The following ASS1 variants were observed in gnomAD, a reference collection of about 807,000 sequenced individuals.
ASS1 encodes argininosuccinate synthase 1.
Under a neutral mutation model 60.5 loss-of-function variants are expected in ASS1, and 58 were observed. The ratio of observed to expected loss-of-function variants is 0.96; its 90% CI spans 0.78 to 1.19. ASS1 has a LOEUF of 1.19. Ranked by LOEUF, ASS1 falls within the 50% of genes most tolerant of loss-of-function variation. The pLI is 0.00. For missense variants in ASS1, 454 were observed against 547.3 expected, an observed-to-expected ratio of 0.83 and a Z score of 1.70; for synonymous variants, 200 against 206.9, an observed-to-expected ratio of 0.97 and a Z score of 0.29.
intron 8 of ASS1, among the ~76,000 whole-genome samples, chr9:130,471,849 G>A (rs1371101286): frequency 6.6e-6 from 1 of 152,182 alleles, no homozygotes; most frequent in East Asian, 1.9e-4. Context: ...TTGGGGGAGG[G>A]CCCAGCCTGT....
intron 11 of ASS1, among the ~76,000 whole-genome samples, chr9:130,480,725 A>G (rs1846150713): frequency 6.6e-6 from 1 of 152,028 alleles, no homozygotes; most frequent in South Asian, 2.1e-4. Flanking sequence ...CAGGGAGGCC[A>G]GGGCCAGGCC....
At chr9:130,498,470 G>A (rs1203880428) in intron 13 of ASS1, among the ~76,000 whole-genome samples, 7 of 152,178 alleles carry the variant, frequency 4.6e-5, no homozygotes, top group Non-Finnish European at 8.8e-5. Flanking sequence ...TGATTGCTTC[G>A]GTCTGGCCCC....
rs1215138771 is a variant in ASS1, at chr9:130,473,497, AGTCCC to A, written c.597+1983_597+1987del. On this transcript the variant is annotated intron_variant, in intron 8 of 14. Coordinates refer to ENST00000352480, the MANE Select transcript of ASS1 (RefSeq NM_054012.4). ...CCCAGAGTCCCACCCAGGCACCCAG[AGTCCC>A]ACCCAGGCACCCAGAGTCCAGTCAC... is the stretch of plus-strand genomic sequence containing the variant. 2.1e-3 allele frequency among the ~76,000 whole-genome samples: 325 copies of A among 151,812 alleles called. 2 individuals are homozygous for A. Among genetic ancestry groups the A allele is most frequent in the African/African-American group, 7.5e-3 (309 of 41,474 alleles).
At position 130,452,277 on chromosome 9, in the gene ASS1, A is replaced by G. The variant is rs1845345661; in HGVS notation, c.49A>G (p.Thr17Ala). ...VVLAYSGGLD[T>A]SCILVWLKEQ... is the part of the protein sequence containing the mutation. Reference sequence around the variant, plus strand: ...TCTGGCCTACAGTGGCGGCCTGGACACCTCGTGCATCCTCGTGTGGCTGAA... The same window carrying G: ...TCTGGCCTACAGTGGCGGCCTGGACGCCTCGTGCATCCTCGTGTGGCTGAA... The change falls in exon 2 of 15, where the codon ACC (threonine) becomes GCC (alanine). Residue 17 changes from threonine to alanine, a missense_variant. Thr to Ala is a moderately conservative substitution (Grantham distance 58). Coordinates refer to ENST00000352480, the MANE Select transcript of ASS1 (RefSeq NM_054012.4). 1 of 1,613,970 alleles carries G rather than the reference A, an allele frequency of 6.2e-7. No individual in the cohort carries two copies. Among genetic ancestry groups the G allele is most frequent in the Admixed American group, 1.7e-5 (1 of 60,000 alleles).
Position 130,477,091 on chromosome 9 carries a change from G to C in ASS1, c.688+130G>C. On this transcript the variant is annotated intron_variant, in intron 9 of 14. Coordinates refer to ENST00000352480, the MANE Select transcript of ASS1 (RefSeq NM_054012.4). This position sits in a 1 kb window ranked among gnomAD's most constrained non-coding sequence, Gnocchi z 4.2. ...TTCCTGGAAGCTAGAGTTCAGGCAG[G>C]GGCTTCAAGGTAACGCACAGCCCAC... The C allele has an allele frequency of 1.0e-6, 1 of 976,848 alleles. No individual in the cohort carries two copies. The highest frequency in any genetic ancestry group is 2.0e-5 in the Admixed American group (1 of 49,126). 60.5% of individuals were successfully genotyped at this position (976,848 alleles called of 1,614,324 possible). A position where few individuals can be genotyped will look rare whatever the true frequency, so the allele number is the denominator to read the frequency against.
chr9:130,480,522 C>G lies in ASS1; in HGVS notation c.838+73C>G. ...CCCAGAGATCCCTGAGACCCTGTCC[C>G]CTTTGGACGCTACTACCCCCATGCT... On this transcript the variant is annotated intron_variant, in intron 11 of 14. Coordinates refer to ENST00000352480, the MANE Select transcript of ASS1 (RefSeq NM_054012.4). 7.9e-6 allele frequency: 12 copies of G among 1,513,632 alleles called. No homozygotes were observed. The South Asian group carries it at 1.4e-4, about 17-fold the overall frequency. The allele number at this position is 1,513,632 out of a possible 1,614,324, so 93.8% of individuals were successfully genotyped here.
intron 4 of ASS1, among the ~76,000 whole-genome samples, chr9:130,461,999 G>A (rs1364904582): frequency 2.6e-5 from 4 of 152,098 alleles, no homozygotes; most frequent in South Asian, 2.1e-4. Flanking sequence ...AGGCAGAGGC[G>A]GAGGCAGCCT....
At position 130,494,984 on chromosome 9, in the gene ASS1, G is replaced by C; in HGVS notation, c.1088G>C (p.Arg363Pro). 6.2e-7 allele frequency: 1 copy of C among 1,613,158 alleles called. No homozygotes were observed. The highest frequency in any genetic ancestry group is 8.5e-7 in the Non-Finnish European group (1 of 1,179,890). ...AAGGGCCAGGTGTACATCCTCGGCC[G>C]GGAGTCCCCACTGTCTCTCTACAAT... ...VLKGQVYILG[R>P]ESPLSLYNEE... The change falls in exon 13 of 15, where the codon CGG becomes CCG. Residue 363 changes from arginine (R) to proline (P), a missense_variant. Coordinates refer to ENST00000352480, the MANE Select transcript of ASS1 (RefSeq NM_054012.4). This position sits in a 1 kb window ranked among gnomAD's most constrained non-coding sequence, Gnocchi z 4.3.
rs1846406949 is a variant in ASS1, at chr9:130,489,851, G to A, written c.970+387G>A. On this transcript the variant is annotated intron_variant, in intron 12 of 14. Coordinates refer to ENST00000352480, the MANE Select transcript of ASS1 (RefSeq NM_054012.4). The surrounding 1 kb of genome is among the most constrained non-coding windows in gnomAD (Gnocchi z 4.1). ...AGGAGGTCTGCAGCTCCTTGTACAC[G>A]AGGAAACTGAGGCTCAGAAGGAAAG... 6.6e-6 allele frequency among the ~76,000 whole-genome samples: 1 copy of A among 152,370 alleles called. No individual in the cohort carries two copies. Among genetic ancestry groups the A allele is most frequent in the South Asian group, 2.1e-4 (1 of 4,830 alleles).
Position 130,477,976 on chromosome 9 carries a change from TCTC to T in ASS1, c.688+1017_688+1019del, listed in dbSNP as rs1846066335. 6.6e-6 allele frequency among the ~76,000 whole-genome samples: 1 copy of T among 152,056 alleles called. No homozygotes were observed. Among genetic ancestry groups the T allele is most frequent in the Non-Finnish European group, 1.5e-5 (1 of 67,986 alleles). ...GGGGAGGCAGAGCTGCAGATCCCCC[TCTC>T]CCCCTTGCTGGTGTGACCTTGACAG... On this transcript the variant is annotated intron_variant, in intron 9 of 14. Coordinates refer to ENST00000352480, the MANE Select transcript of ASS1 (RefSeq NM_054012.4). This position sits in a 1 kb window ranked among gnomAD's most constrained non-coding sequence, Gnocchi z 4.2.
At position 130,470,461 on chromosome 9, in the gene ASS1, G is replaced by C. The variant is rs899830246; in HGVS notation, c.496-373G>C. 2.0e-5 allele frequency among the ~76,000 whole-genome samples: 3 copies of C among 152,206 alleles called. No individual in the cohort carries two copies. Among genetic ancestry groups the C allele is most frequent in the Non-Finnish European group, 2.9e-5 (2 of 68,042 alleles). On this transcript the variant is annotated intron_variant, in intron 6 of 14. Coordinates refer to ENST00000352480, the MANE Select transcript of ASS1 (RefSeq NM_054012.4). This position sits in a 1 kb window ranked among gnomAD's most constrained non-coding sequence, Gnocchi z 4.3. ...TGCCAGGTGCCCCGGTCCACAGTGC[G>C]AGCGGGTTCACACAAGCCCCAGCTC...
At chr9:130,462,338 G>A (rs1411514987) in intron 4 of ASS1, among the ~76,000 whole-genome samples, 3 of 152,206 alleles carry the variant, frequency 2.0e-5, no homozygotes, top group Admixed American at 2.0e-4. Context: ...TCAGCATGCG[G>A]ACACTCGTGT....
chr9:130,466,187 C>T (rs1462410407), intron 5 of ASS1, among the ~76,000 whole-genome samples: 2 of 152,226 alleles, frequency 1.3e-5, no homozygotes, highest in Admixed American at 6.5e-5. Flanking sequence ...CTCTTTTTAC[C>T]AGCTCAGGCC....
At chr9:130,486,265 T>A (rs933136906) in intron 11 of ASS1, among the ~76,000 whole-genome samples, 16 of 152,164 alleles carry the variant, frequency 1.1e-4, no homozygotes, top group Non-Finnish European at 1.8e-4. Flanking sequence ...CTAATTTTTT[T>A]AATTTTTTGG....
At chr9:130,456,641 C>T (rs1015210710) in intron 3 of ASS1, among the ~76,000 whole-genome samples, 1 of 151,954 alleles carries the variant, frequency 6.6e-6, no homozygotes, top group Admixed American at 6.6e-5. Flanking sequence ...AAGAATTTCT[C>T]GACTCTTAAA....
chr9:130,461,813 T>A (rs1022725614), intron 4 of ASS1, among the ~76,000 whole-genome samples: 2 of 152,094 alleles, frequency 1.3e-5, no homozygotes, highest in Non-Finnish European at 2.9e-5. Flanking sequence ...CACCATCCCA[T>A]GAGTATCCAC....
At chr9:130,461,664 C>A (rs1450225533) in intron 4 of ASS1, among the ~76,000 whole-genome samples, 1 of 152,208 alleles carries the variant, frequency 6.6e-6, no homozygotes. Flanking sequence ...CAGGAAACCC[C>A]CAACAGCCTC....
rs12003032 is a variant in ASS1, at chr9:130,500,360, T to C, written c.1194-616T>C. 4.2e-3 allele frequency among the ~76,000 whole-genome samples: 645 copies of C among 152,246 alleles called. 3 individuals carry two copies. Among genetic ancestry groups the C allele is most frequent in the African/African-American group, 0.015 (631 of 41,536 alleles). On this transcript the variant is annotated intron_variant, in intron 14 of 14. Transcript: ENST00000352480. Reference sequence around the variant, plus strand: ...GAGTGGTTAAGTAACTTTCCAAGGGTCACACAGCTAGGAGGTGGTGGAGCT... The same window carrying C: ...GAGTGGTTAAGTAACTTTCCAAGGGCCACACAGCTAGGAGGTGGTGGAGCT...
rs552783145 is a variant in ASS1, at chr9:130,480,904, G to A, written c.838+455G>A. 9.9e-4 allele frequency among the ~76,000 whole-genome samples: 151 copies of A among 152,374 alleles called. 3 individuals carry two copies. The South Asian group carries it at 0.029, about 29-fold the overall frequency. On this transcript the variant is annotated intron_variant, in intron 11 of 14. Transcript: ENST00000352480. ...TGCACAGGCACTGGGAGCCGGCCAGGGCCTAAGGACCTGTCCCAGCATCAG... is the reference window on the plus strand; with the variant it reads ...TGCACAGGCACTGGGAGCCGGCCAGAGCCTAAGGACCTGTCCCAGCATCAG...
Sources: gnomAD v4.1 joint callset for allele counts (sites outside exome capture counted in the v4.1 genomes callset) on GRCh38, gnomAD v4.1.1 for gene constraint, Gnocchi (gnomAD v3.1) non-coding constraint, MANE v1.5 for transcripts, NCBI Gene and HGNC (gene_info 2026-07-23, HGNC 2026-07-21) for gene names.